Variants in CFAP410 observed in about 807,000 individuals in gnomAD.
CFAP410 encodes the protein cilia- and flagella-associated protein 410.
A neutral mutation model predicts 25.7 loss-of-function variants in CFAP410; 27 were observed. That is an observed-to-expected ratio of 1.05 (90% confidence interval 0.77 to 1.45). The LOEUF (loss-of-function observed/expected upper bound fraction) is 1.45. Ranked by LOEUF, CFAP410 falls within the 40% of genes most tolerant of loss-of-function variation. The pLI, the probability that CFAP410 is intolerant of heterozygous loss-of-function variation, is 0.00. For synonymous variants in CFAP410, 178 were observed against 158.4 expected, an observed-to-expected ratio of 1.12 and a Z score of -0.93; for missense variants, 428 against 354.1, an observed-to-expected ratio of 1.21 and a Z score of -1.67.
chr21:44,337,700 G>C, intron 1 of CFAP410, 33 bp from the exon 2 acceptor site: 1 of 1,593,580 alleles, frequency 6.3e-7, no homozygotes. Context: ...CTTTAATTTT[G>C]TTAAAGTTGA....
Position 44,333,126 on chromosome 21 carries a change from G to C in CFAP410, c.280C>G (p.Leu94Val). The change falls in exon 4 of 7, where the codon CTG becomes GTG. Residue 94 changes from leucine to valine, a missense_variant. By Grantham distance (32) the Leu-to-Val change is conservative. Coordinates refer to ENST00000339818, the MANE Select transcript of CFAP410 (RefSeq NM_004928.3). The stretch of plus-strand genomic sequence containing the variant: ...GTGCCGCAGCACGGGTTCTCGGCCA[G>C]CCACAGCACCCGCAGACGCGGCAGC... ...KGLPRLRVLW[L>V]AENPCCGTSP... 1.2e-6 allele frequency: 2 copies of C among 1,611,884 alleles called. No individual in the cohort carries two copies. Among genetic ancestry groups the C allele is most frequent in the African/African-American group, 2.7e-5 (2 of 75,054 alleles).
chr21:44,330,558 G>A lies in CFAP410; in HGVS notation c.643-232C>T, dbSNP rs768576190. On this transcript the variant is annotated intron_variant, in intron 6 of 6. Transcript: ENST00000339818. ...CTCCTGTTGCCCTCAGCCCAGCAGG[G>A]CCCGGGCCCACATTCCACAGACCAG... is the stretch of plus-strand genomic sequence containing the variant. 3.2e-6 allele frequency: 5 copies of A among 1,549,192 alleles called. No homozygotes were observed. In the South Asian group the frequency reaches 3.6e-5, roughly 11 times the overall value.
chr21:44,330,495 C>T (rs766589815), intron 6 of CFAP410, 169 bp from the exon 7 acceptor site: 28 of 1,543,404 alleles, frequency 1.8e-5, no homozygotes, highest in Non-Finnish European at 7.9e-6. Context: ...CAGAGGAGCC[C>T]CGCCTGTGGA....
At chr21:44,336,018 C>G (rs969941953) in intron 2 of CFAP410, among the ~76,000 whole-genome samples, 1 of 91,550 alleles carries the variant, frequency 1.1e-5, no homozygotes, top group African/African-American at 4.3e-5. Flanking sequence ...TGCCCAGGGC[C>G]TGAGGGGAGC....
chr21:44,339,049 G>A, intron 1 of CFAP410, 69 bp downstream of exon 1: 1 of 745,912 alleles, frequency 1.3e-6, no homozygotes, highest in Non-Finnish European at 1.8e-6. Flanking sequence ...TCCTCCCTCC[G>A]GCTCCGCCCT....
intron 4 of CFAP410, 155 bp from the exon 5 acceptor site, chr21:44,332,169 GCCGGTT>G: frequency 1.7e-6 from 1 of 600,978 alleles, no homozygotes; most frequent in Non-Finnish European, 2.8e-6. Flanking sequence ...CAGAGTAGCA[GCCGGTT>G]CCTCACTGTC....
At chr21:44,331,220 A>C in intron 5 of CFAP410, 214 of 441,942 alleles carry the variant, frequency 4.8e-4, no homozygotes, top group East Asian at 1.0e-3. Flanking sequence ...GAACACACAA[A>C]TGCCGGGGGA....
Position 44,337,551 on chromosome 21 carries a change from C to T in CFAP410, c.96+98G>A, listed in dbSNP as rs1260413735. ...ACTGAATTGATAGGTGCAGTTTTGT[C>T]AACTTAAAAATTCTCTTGGGAAAGA... On this transcript the variant is annotated intron_variant, in intron 2 of 6. Transcript: ENST00000339818. 12 of 1,130,558 alleles carry T rather than the reference C, an allele frequency of 1.1e-5. No individual in the cohort carries two copies. In the East Asian group the frequency reaches 2.6e-4, roughly 25 times the overall value. The allele number at this position is 1,130,558 out of a possible 1,614,324, so 70.0% of individuals were successfully genotyped here.
In CFAP410 at chr21:44,329,020, A is replaced by G. The variant is rs2047587884; in HGVS notation, c.*1178T>C. ...AGGCAGACACAGGCCTGAACTGTCC[A>G]CCCTCTATGTCCCGAGTGGTGACTC... On this transcript the variant is annotated 3_prime_UTR_variant, in exon 7 of 7. Coordinates refer to ENST00000339818, the MANE Select transcript of CFAP410 (RefSeq NM_004928.3). 6.6e-6 allele frequency: 1 copy of G among 152,552 alleles called. No individual in the cohort carries two copies. The highest frequency in any genetic ancestry group is 6.5e-5 in the Admixed American group (1 of 15,288). 9.4% of individuals were successfully genotyped at this position (152,552 alleles called of 1,614,324 possible). A position where few individuals can be genotyped will look rare whatever the true frequency, so the allele number is the denominator to read the frequency against.
At chr21:44,335,512 C>T (rs953675532) in intron 3 of CFAP410, 3 of 580,062 alleles carry the variant, frequency 5.2e-6, no homozygotes, top group Non-Finnish European at 9.2e-6. Flanking sequence ...AGGCGTACAG[C>T]AGGGCAGGCA....
At position 44,330,818 on chromosome 21, in the gene CFAP410, C is replaced by G. The variant is rs1602073168; in HGVS notation, c.642+5G>C. ...AGCCGCGGCCCCTAGCGGCCCGCCACTCACCCTGCCCCTGTGGCTGCTCGA... is the reference window on the plus strand; with the variant it reads ...AGCCGCGGCCCCTAGCGGCCCGCCAGTCACCCTGCCCCTGTGGCTGCTCGA... On this transcript the variant is annotated splice_donor_5th_base_variant and intron_variant, in intron 6 of 6. Transcript: ENST00000339818. 1 of 1,597,252 alleles carries G rather than the reference C, an allele frequency of 6.3e-7. No homozygotes were observed. The highest frequency in any genetic ancestry group is 8.5e-7 in the Non-Finnish European group (1 of 1,172,516).
Position 44,333,102 on chromosome 21 carries a change from T to G in CFAP410, c.304A>C (p.Thr102Pro). ...GTCATGCGGTAGCGGTGGGGGCTGG[T>G]GCCGCAGCACGGGTTCTCGGCCAGC... ...LWLAENPCCG[T>P]SPHRYRMTVL... The change falls in exon 4 of 7, where the codon ACC becomes CCC. Residue 102 changes from threonine to proline, a missense_variant. Thr to Pro is a conservative substitution (Grantham distance 38, BLOSUM62 -1). Transcript: ENST00000339818. The G allele has an allele frequency of 6.2e-7, 1 of 1,609,528 alleles. No individual in the cohort carries two copies. Among genetic ancestry groups the G allele is most frequent in the Non-Finnish European group, 8.5e-7 (1 of 1,178,640 alleles).
rs75183230 is a variant in CFAP410 at position 44,331,225 on chromosome 21, G to A, written c.546-306C>T. ...GGGGGCACCCGAACACACAAATGCC[G>A]GGGGAGAGCTCCTGACCATGGGGTC... is the stretch of plus-strand genomic sequence containing the variant. On this transcript the variant is annotated intron_variant, in intron 5 of 6. Transcript: ENST00000339818. 6.0e-3 allele frequency: 2,867 copies of A among 477,038 alleles called. 72 individuals are homozygous for A. Among genetic ancestry groups the A allele is most frequent in the African/African-American group, 0.05 (2,564 of 51,662 alleles). 29.6% of individuals were successfully genotyped at this position (477,038 alleles called of 1,614,324 possible).
chr21:44,337,197 A>C (rs1056506852), intron 2 of CFAP410, among the ~76,000 whole-genome samples: 11 of 152,162 alleles, frequency 7.2e-5, no homozygotes, highest in African/African-American at 2.2e-4. Context: ...TCACAGACGC[A>C]CACACTCAAG....
intron 3 of CFAP410, chr21:44,333,833 C>A: frequency 2.8e-6 from 1 of 351,136 alleles, no homozygotes; most frequent in South Asian, 2.1e-5. Context: ...TGGGGTCCGT[C>A]CCCTCCACAA....
intron 4 of CFAP410, chr21:44,332,335 AT>A (rs1224374203): frequency 3.4e-6 from 1 of 291,312 alleles, no homozygotes; most frequent in Non-Finnish European, 6.3e-6. Context: ...AATTTATTCC[AT>A]TTCTCTCATA....
At chr21:44,338,456 G>A (rs1034489978) in intron 1 of CFAP410, 3 of 479,812 alleles carry the variant, frequency 6.3e-6, no homozygotes, top group African/African-American at 2.0e-5. Flanking sequence ...GCCTGCCTGG[G>A]TCCCACCGCA....
At chr21:44,334,201 G>C (rs1415892298) in intron 3 of CFAP410, 1 of 456,204 alleles carries the variant, frequency 2.2e-6, no homozygotes, top group Non-Finnish European at 4.4e-6. Context: ...CAGGCACCAC[G>C]CACCTGAGCT....
chr21:44,334,517 ACCCCCCCC>A (rs199672243), intron 3 of CFAP410: 2 of 72,506 alleles, frequency 2.8e-5, no homozygotes, highest in African/African-American at 6.9e-5. Context: ...GGGCACGCGC[ACCCCCCCC>A]CCCCCCCCGC....
Sources: allele counts gnomAD v4.1 joint callset (sites outside exome capture counted in the v4.1 genomes callset), GRCh38; gene constraint gnomAD v4.1.1; transcripts MANE v1.5; gene names NCBI Gene and HGNC (gene_info 2026-07-23, HGNC 2026-07-21).